SLC16A9: variants seen among roughly 807,000 people sequenced by gnomAD.
SLC16A9 encodes the protein monocarboxylate transporter 9.
A neutral mutation model predicts 44.3 loss-of-function variants in SLC16A9; 26 were observed. The observed-to-expected ratio is 0.59, with a 90% CI of 0.43 to 0.81. SLC16A9 has a LOEUF of 0.81. Ranked by LOEUF, SLC16A9 falls within the 40% of genes least tolerant of loss-of-function variation. SLC16A9 has a pLI of 0.00. For missense variants in SLC16A9, 559 were observed against 595.8 expected (o/e 0.94, Z 0.64); for synonymous variants, 230 against 225.1 (o/e 1.02, Z -0.19).
chr10:59,666,605 C>T (rs771623089), intron 3 of SLC16A9, among the ~76,000 whole-genome samples: 2 of 152,200 alleles, frequency 1.3e-5, no homozygotes, highest in African/African-American at 2.4e-5. Context: ...CAACCACACC[C>T]TCACAGTAAA....
chr10:59,662,617 G>C (rs566854956), intron 4 of SLC16A9, among the ~76,000 whole-genome samples: 101 of 43,704 alleles, frequency 2.3e-3, no homozygotes, highest in Admixed American at 3.9e-3. Flanking sequence ...CTAGGCAAAA[G>C]AGCAAAACTC....
At chr10:59,662,773 G>A (rs1405554879) in intron 4 of SLC16A9, among the ~76,000 whole-genome samples, 1 of 151,838 alleles carries the variant, frequency 6.6e-6, no homozygotes, top group East Asian at 1.9e-4. Flanking sequence ...ATGCCAGTTA[G>A]AATGGCAATC....
chr10:59,653,686 G>A lies in SLC16A9; in HGVS notation c.1340C>T (p.Pro447Leu). The change falls in exon 5 of 6, where the codon CCA (proline) becomes CTA (leucine). Residue 447 changes from proline (P) to leucine (L), a missense_variant. Transcript: ENST00000395348. ...FFAGLGNSLG[P>L]PIVGWFYDWT... ...GATAAATATCTTACCAACGATGGGT[G>A]GTCCTAGGCTATTTCCAAGTCCAGC... 6.2e-7 allele frequency: 1 copy of A among 1,608,196 alleles called. No individual in the cohort carries two copies. Among genetic ancestry groups the A allele is most frequent in the Non-Finnish European group, 8.5e-7 (1 of 1,176,624 alleles).
chr10:59,681,339 C>T (rs1321136019), intron 2 of SLC16A9, among the ~76,000 whole-genome samples: 1 of 151,550 alleles, frequency 6.6e-6, no homozygotes, highest in Admixed American at 6.6e-5. Context: ...AAGAGGATAA[C>T]ATCAAATACA....
intron 1 of SLC16A9, among the ~76,000 whole-genome samples, chr10:59,693,754 G>T (rs1180752327): frequency 6.6e-6 from 1 of 150,810 alleles, no homozygotes; most frequent in Non-Finnish European, 1.5e-5. Flanking sequence ...CAAGTAGCTG[G>T]GGCTACAGGC....
intron 3 of SLC16A9, among the ~76,000 whole-genome samples, chr10:59,671,778 T>C (rs1839756260): frequency 6.7e-6 from 1 of 148,658 alleles, no homozygotes; most frequent in Non-Finnish European, 1.5e-5. Flanking sequence ...ACTGAGCATC[T>C]CTAAGTATCA....
chr10:59,682,599 T>C (rs1449451197), intron 2 of SLC16A9, among the ~76,000 whole-genome samples: 2 of 152,340 alleles, frequency 1.3e-5, no homozygotes, highest in East Asian at 3.9e-4. Context: ...AGCATTTTAA[T>C]TATCCTTTGA....
At chr10:59,654,910 T>C (rs1025372866) in intron 4 of SLC16A9, among the ~76,000 whole-genome samples, 1 of 152,168 alleles carries the variant, frequency 6.6e-6, no homozygotes, top group Non-Finnish European at 1.5e-5. Flanking sequence ...CTGGAATGGT[T>C]GAGAAATTTG....
chr10:59,702,751 T>C (rs578179691), intron 1 of SLC16A9, among the ~76,000 whole-genome samples: 1 of 152,376 alleles, frequency 6.6e-6, no homozygotes, highest in East Asian at 1.9e-4. Flanking sequence ...TACCTTTTTA[T>C]TTTTTGGATC....
intron 1 of SLC16A9, among the ~76,000 whole-genome samples, chr10:59,709,169 G>A (rs1840709689): frequency 6.6e-6 from 1 of 152,094 alleles, no homozygotes; most frequent in African/African-American, 2.4e-5. Flanking sequence ...GCAGCTCTCT[G>A]GGGGGCCACC....
At position 59,651,874 on chromosome 10, in the gene SLC16A9, A is replaced by T. The variant is rs1034408220; in HGVS notation, c.*898T>A. ...AAATGCTTCACTGGGAGGATATGCA[A>T]GAACTTGCAGCCCATCCCCACTGTG... On this transcript the variant is annotated 3_prime_UTR_variant, in exon 6 of 6. Transcript: ENST00000395348. 1.1e-4 allele frequency: 16 copies of T among 152,190 alleles called. No individual in the cohort carries two copies. Among genetic ancestry groups the T allele is most frequent in the African/African-American group, 3.6e-4 (15 of 41,448 alleles). 9.4% of individuals were successfully genotyped at this position (152,190 alleles called of 1,614,324 possible).
chr10:59,678,546 C>CTTTTCTTTTTTTT lies in SLC16A9; in HGVS notation c.196+5549_196+5550insAAAAAAAAGAAAA, dbSNP rs1554870854. 2.8e-3 allele frequency among the ~76,000 whole-genome samples: 85 copies of CTTTTCTTTTTTTT among 30,620 alleles called. 11 individuals are homozygous for CTTTTCTTTTTTTT. The highest frequency in any genetic ancestry group is 7.1e-3 in the African/African-American group (80 of 11,284). 20.1% of individuals were successfully genotyped at this position (30,620 alleles called of 152,430 possible). A position where few individuals can be genotyped will look rare whatever the true frequency, so the allele number is the denominator to read the frequency against. On this transcript the variant is annotated intron_variant, in intron 2 of 5. Transcript: ENST00000395348. ...ATCTTTTTTTTTTCTTTTTCTTTTTCTTTTTTTTGAGACGGAGTCTCGCTC... is the reference window on the plus strand; with the variant it reads ...ATCTTTTTTTTTTCTTTTTCTTTTTCTTTTCTTTTTTTTTTTTTTTTGAGACGGAGTCTCGCTC...
intron 1 of SLC16A9, among the ~76,000 whole-genome samples, chr10:59,708,240 G>A (rs562596457): frequency 1.3e-5 from 2 of 152,248 alleles, no homozygotes; most frequent in African/African-American, 2.4e-5. Flanking sequence ...ACAGATAATA[G>A]AAAATGACTT....
chr10:59,697,209 G>T (rs915707004), intron 1 of SLC16A9, among the ~76,000 whole-genome samples: 1 of 151,126 alleles, frequency 6.6e-6, no homozygotes, highest in Non-Finnish European at 1.5e-5. Flanking sequence ...CCTCTGCCCG[G>T]CCACCACCCC....
intron 2 of SLC16A9, among the ~76,000 whole-genome samples, chr10:59,678,395 C>G (rs1036573918): frequency 6.6e-6 from 1 of 151,654 alleles, no homozygotes; most frequent in African/African-American, 2.4e-5. Flanking sequence ...AAGAAAAAGG[C>G]ACTAAGGAGC....
At chr10:59,694,689 T>A (rs1840329671) in intron 1 of SLC16A9, among the ~76,000 whole-genome samples, 1 of 150,446 alleles carries the variant, frequency 6.6e-6, no homozygotes, top group Non-Finnish European at 1.5e-5. Flanking sequence ...TAATCCCAGC[T>A]ACTTGGGGGC....
chr10:59,682,918 A>T (rs1840054909), intron 2 of SLC16A9, among the ~76,000 whole-genome samples: 1 of 152,132 alleles, frequency 6.6e-6, no homozygotes, highest in South Asian at 2.1e-4. Flanking sequence ...ATCTTATCTG[A>T]CATAGCAAGA....
intron 1 of SLC16A9, among the ~76,000 whole-genome samples, chr10:59,684,716 G>T (rs143471962): frequency 6.6e-6 from 1 of 152,110 alleles, no homozygotes; most frequent in Admixed American, 6.5e-5. Context: ...GAATGCTTTC[G>T]AGTTGATGCC....
At chr10:59,692,920 G>T (rs1383099663) in intron 1 of SLC16A9, among the ~76,000 whole-genome samples, 1 of 152,108 alleles carries the variant, frequency 6.6e-6, no homozygotes, top group Non-Finnish European at 1.5e-5. Context: ...AAAACAATAG[G>T]TACACAAATA....
Sources: gnomAD v4.1 joint callset for allele counts (sites outside exome capture counted in the v4.1 genomes callset) on GRCh38, gnomAD v4.1.1 for gene constraint, MANE v1.5 for transcripts, NCBI Gene and HGNC (gene_info 2026-07-23, HGNC 2026-07-21) for gene names.